The following JAKMIP3 variants were observed in gnomAD, a reference collection of about 807,000 sequenced individuals.
JAKMIP3 encodes the protein janus kinase and microtubule-interacting protein 3.
In JAKMIP3, 58 loss-of-function variants were observed where a neutral mutation model predicts 118.5. That is an observed-to-expected ratio of 0.49 (90% CI 0.40 to 0.61). The LOEUF is 0.61. JAKMIP3 is among the 20% of genes least tolerant of loss of function. JAKMIP3 has a pLI of 0.00. For synonymous variants in JAKMIP3, 486 were observed against 451.2 expected, an observed-to-expected ratio of 1.08 and a Z score of -0.98; for missense variants, 950 against 1,109.0, an observed-to-expected ratio of 0.86 and a Z score of 2.04.
At chr10:132,122,627 G>A (rs905476041) in intron 3 of JAKMIP3, among the ~76,000 whole-genome samples, 1 of 152,252 alleles carries the variant, frequency 6.6e-6, no homozygotes, top group Admixed American at 6.5e-5. Context: ...GGCACCTGGT[G>A]AGGGCTCAGG....
At chr10:132,163,081 G>A in intron 19 of JAKMIP3, 128 bp from the exon 20 acceptor site, 1 of 875,956 alleles carries the variant, frequency 1.1e-6, no homozygotes, top group Non-Finnish European at 1.7e-6. Flanking sequence ...ACAGCACTGG[G>A]TCCCTCCCTG....
chr10:132,054,683 C>T (rs952551977), intron 1 of JAKMIP3, among the ~76,000 whole-genome samples: 5 of 147,878 alleles, frequency 3.4e-5, no homozygotes, highest in African/African-American at 1.1e-4. Flanking sequence ...GATTTCAGAC[C>T]GGGCTAACAG....
intron 16 of JAKMIP3, among the ~76,000 whole-genome samples, 154 bp downstream of exon 16, chr10:132,150,195 G>A (rs1011767780): frequency 2.6e-5 from 4 of 151,620 alleles, no homozygotes; most frequent in African/African-American, 9.7e-5. Flanking sequence ...GCTCAGAATC[G>A]GAGCCTTCCT....
chr10:132,117,686 G>T lies in JAKMIP3; in HGVS notation c.633+112G>T, dbSNP rs1379033037. 5.0e-6 allele frequency: 6 copies of T among 1,195,224 alleles called. No individual in the cohort carries two copies. Among genetic ancestry groups the T allele is most frequent in the Non-Finnish European group, 6.4e-6 (6 of 932,898 alleles). 74.0% of individuals were successfully genotyped at this position (1,195,224 alleles called of 1,614,324 possible). On this transcript the variant is annotated intron_variant, in intron 3 of 23. Transcript: ENST00000684848. This position sits in a 1 kb window ranked among gnomAD's most constrained non-coding sequence, Gnocchi z 8.6. ...AGGCGTGGGCTCGGGGAGCACGCGG[G>T]CAGCACCGGCTTCACCCCCCATGAC...
chr10:132,114,082 T>C (rs368941404), intron 2 of JAKMIP3, among the ~76,000 whole-genome samples: 2 of 152,256 alleles, frequency 1.3e-5, no homozygotes, highest in African/African-American at 4.8e-5. Context: ...GGAGACTGTG[T>C]CTAGACTAGT....
At position 132,183,204 on chromosome 10, in the gene JAKMIP3, T is replaced by C. The variant is rs546163147; in HGVS notation, c.*1951T>C. ...TGGCGCTGTGGGTGAACCGCTGGGT[T>C]GAAGTCCGATGGACTCTACGATGCA... is the stretch of plus-strand genomic sequence containing the variant. On this transcript the variant is annotated 3_prime_UTR_variant, in exon 24 of 24. Transcript: ENST00000684848. The C allele has an allele frequency of 3.3e-5, 5 of 152,384 alleles. No homozygotes were observed. The highest frequency in any genetic ancestry group is 1.2e-4 in the African/African-American group (5 of 41,588). The allele number at this position is 152,384 out of a possible 1,614,324, so 9.4% of individuals were successfully genotyped here. A position where few individuals can be genotyped will look rare whatever the true frequency, so the allele number is the denominator to read the frequency against.
intron 23 of JAKMIP3, among the ~76,000 whole-genome samples, chr10:132,176,671 C>T (rs866630162): frequency 1.3e-5 from 2 of 152,144 alleles, no homozygotes; most frequent in Admixed American, 6.5e-5. Flanking sequence ...TCTTTGTTAA[C>T]GGGCATTTTT....
At position 132,109,093 on chromosome 10, in the gene JAKMIP3, C is replaced by CATATAT. The variant is rs199571463; in HGVS notation, c.135+4156_135+4161dup. Among the ~76,000 whole-genome samples, 28 of 138,880 alleles carry CATATAT rather than the reference C, an allele frequency of 2.0e-4. 1 individual carries two copies. The highest frequency in any genetic ancestry group is 3.9e-4 in the African/African-American group (14 of 35,674). The allele number at this position is 138,880 out of a possible 152,430, so 91.1% of individuals were successfully genotyped here. On this transcript the variant is annotated intron_variant, in intron 2 of 23. Transcript: ENST00000684848. Reference sequence around the variant, plus strand: ...ACACATACACATATATATACACACACATATATATATACACACACACATATA... The same window carrying CATATAT: ...ACACATACACATATATATACACACACATATATATATATATATACACACACACATATA...
chr10:132,154,051 G>T, intron 19 of JAKMIP3, 61 bp downstream of exon 19: 1 of 1,513,938 alleles, frequency 6.6e-7, no homozygotes, highest in East Asian at 2.3e-5. Flanking sequence ...CGGCCACGTG[G>T]CTCAGGTGCC....
chr10:132,106,004 C>T (rs771859054), intron 2 of JAKMIP3, among the ~76,000 whole-genome samples: 5 of 151,528 alleles, frequency 3.3e-5, no homozygotes, highest in Non-Finnish European at 5.9e-5. Context: ...AAGAATGTTT[C>T]GTGACACGTG....
At position 132,163,258 on chromosome 10, in the gene JAKMIP3, C is replaced by T; in HGVS notation, c.2270C>T (p.Ala757Val). Residue 757 changes from alanine to valine, a missense_variant, in exon 20 of 24, where the codon GCC (alanine) becomes GTC (valine). Ala to Val is a moderately conservative substitution (Grantham distance 64). Transcript: ENST00000684848. ...CTGTATGATGCCCTGCAGCAGGAGG[C>T]CGGGGCTAAGGTGGCTGAGCTGCTG... ...AMLYDALQQEAGAKVAELLSE... is the reference protein window; with the variant it reads ...AMLYDALQQEVGAKVAELLSE... 1.3e-6 allele frequency: 2 copies of T among 1,584,716 alleles called. No individual in the cohort carries two copies. The highest frequency in any genetic ancestry group is 1.2e-5 in the South Asian group (1 of 86,744).
At chr10:132,114,358 G>A (rs898428702) in intron 2 of JAKMIP3, among the ~76,000 whole-genome samples, 5 of 152,194 alleles carry the variant, frequency 3.3e-5, no homozygotes, top group African/African-American at 9.7e-5. Context: ...GGGACTACAG[G>A]CGTGCATCAC....
At chr10:132,097,910 TCC>T (rs1372756388) in intron 1 of JAKMIP3, among the ~76,000 whole-genome samples, 955 of 59,338 alleles carry the variant, frequency 0.016, 182 homozygotes, top group East Asian at 0.034. Flanking sequence ...CCCTTCCCCT[TCC>T]CCTTCCCCTT....
chr10:132,037,317 C>T (rs911171871), intron 1 of JAKMIP3, among the ~76,000 whole-genome samples: 2 of 152,172 alleles, frequency 1.3e-5, no homozygotes, highest in South Asian at 2.1e-4. Flanking sequence ...CTCCCTCCTG[C>T]CCCCGTCTGA....
chr10:132,142,161 C>T, intron 11 of JAKMIP3, 113 bp downstream of exon 11: 1 of 1,168,424 alleles, frequency 8.6e-7, no homozygotes. Context: ...GGCCCCTCCT[C>T]TCCTGCCCTT....
chr10:132,152,262 G>T (rs1159214184), intron 16 of JAKMIP3, among the ~76,000 whole-genome samples: 3 of 152,200 alleles, frequency 2.0e-5, no homozygotes, highest in African/African-American at 7.2e-5. Flanking sequence ...TAGGGAGCTT[G>T]CACTCTAGGG....
intron 2 of JAKMIP3, among the ~76,000 whole-genome samples, chr10:132,113,905 TAGAC>T (rs1325845534): frequency 2.0e-4 from 31 of 152,226 alleles, no homozygotes; most frequent in African/African-American, 6.0e-4. Context: ...GCCTGTGTCA[TAGAC>T]AGCGTTACTG....
chr10:132,143,404 G>A (rs552925600), intron 11 of JAKMIP3, among the ~76,000 whole-genome samples: 40 of 152,202 alleles, frequency 2.6e-4, no homozygotes, highest in Admixed American at 2.1e-3. Context: ...GGCCAAGCTC[G>A]CCAGGAGCTG....
At chr10:132,138,277 G>GC (rs1229962578) in intron 9 of JAKMIP3, 99 bp downstream of exon 9, 4 of 1,092,732 alleles carry the variant, frequency 3.7e-6, no homozygotes, top group African/African-American at 1.6e-5. Flanking sequence ...TGCGGAGAGG[G>GC]GTGCGCCGGT....
Sources: allele counts gnomAD v4.1 joint callset (sites outside exome capture counted in the v4.1 genomes callset), GRCh38; gene constraint gnomAD v4.1.1; non-coding constraint Gnocchi (gnomAD v3.1); transcripts MANE v1.5; gene names NCBI Gene and HGNC (gene_info 2026-07-23, HGNC 2026-07-21).